Variants in B3GALT1 observed in about 807,000 individuals in gnomAD.
The protein encoded by B3GALT1 is UDP-Gal:betaGlcNAc beta 1,3-galactosyltransferase, polypeptide 1.
B3GALT1 carries 10 observed loss-of-function variants against 23.2 expected under a neutral mutation model. The observed-to-expected ratio is 0.43, with a 90% CI of 0.27 to 0.73. The LOEUF (loss-of-function observed/expected upper bound fraction) is 0.73. Among genes scored for constraint, B3GALT1 ranks in the 30% least tolerant of loss-of-function variants. The pLI, the probability that B3GALT1 is intolerant of heterozygous loss-of-function variation, is 0.21. For missense variants in B3GALT1, 299 were observed against 405.4 expected, an observed-to-expected ratio of 0.74 and a Z score of 2.25; for synonymous variants, 156 against 141.5, an observed-to-expected ratio of 1.10 and a Z score of -0.73.
At chr2:167,724,399 A>T (rs2105259010) in intron 3 of B3GALT1, among the ~76,000 whole-genome samples, 1 of 152,306 alleles carries the variant, frequency 6.6e-6, no homozygotes, top group African/African-American at 2.4e-5. Context: ...AAACTCGGAA[A>T]CCAAACGTAT....
At chr2:167,311,734 A>G (rs1023555709) in intron 1 of B3GALT1, among the ~76,000 whole-genome samples, 2 of 152,070 alleles carry the variant, frequency 1.3e-5, no homozygotes, top group Non-Finnish European at 2.9e-5. Context: ...AATGAGTTTA[A>G]TGGTAGATTA....
At chr2:167,412,160 C>T (rs1698402828) in intron 1 of B3GALT1, among the ~76,000 whole-genome samples, 1 of 152,102 alleles carries the variant, frequency 6.6e-6, no homozygotes, top group Non-Finnish European at 1.5e-5. Context: ...TTAACCATAA[C>T]AACTAAATAC....
intron 1 of B3GALT1, among the ~76,000 whole-genome samples, chr2:167,382,045 G>T (rs1697853897): frequency 6.6e-6 from 1 of 152,176 alleles, no homozygotes; most frequent in Admixed American, 6.5e-5. Context: ...TTGTACAATA[G>T]AAATAAGTTA....
intron 4 of B3GALT1, among the ~76,000 whole-genome samples, chr2:167,837,672 C>T (rs1181682162): frequency 9.4e-5 from 14 of 148,796 alleles, no homozygotes; most frequent in South Asian, 8.8e-4. Flanking sequence ...CTGCACCAAG[C>T]GGACCTAATA....
intron 1 of B3GALT1, among the ~76,000 whole-genome samples, chr2:167,356,506 G>T (rs1010426219): frequency 6.6e-6 from 1 of 152,030 alleles, no homozygotes; most frequent in Non-Finnish European, 1.5e-5. Context: ...TTGAATTTCT[G>T]TGTCTGCAAC....
At chr2:167,839,611 A>C (rs1189944535) in intron 4 of B3GALT1, among the ~76,000 whole-genome samples, 1 of 152,274 alleles carries the variant, frequency 6.6e-6, no homozygotes, top group Non-Finnish European at 1.5e-5. Flanking sequence ...GCCCAAGGTA[A>C]TTTTTAGATT....
chr2:167,317,595 G>A (rs983586616), intron 1 of B3GALT1, among the ~76,000 whole-genome samples: 1 of 152,102 alleles, frequency 6.6e-6, no homozygotes, highest in East Asian at 1.9e-4. Flanking sequence ...ACAGTTTTGT[G>A]TGGGTATATA....
intron 2 of B3GALT1, among the ~76,000 whole-genome samples, chr2:167,567,231 C>G (rs560971840): frequency 6.6e-6 from 1 of 151,858 alleles, no homozygotes; most frequent in Admixed American, 6.6e-5. Context: ...TCTTAAAACT[C>G]AAAAAAATAA....
chr2:167,599,198 G>T (rs940340414), intron 2 of B3GALT1, among the ~76,000 whole-genome samples: 1 of 152,086 alleles, frequency 6.6e-6, no homozygotes, highest in South Asian at 2.1e-4. Context: ...TACAAAATAC[G>T]CAGTTCTCTC....
intron 1 of B3GALT1, among the ~76,000 whole-genome samples, chr2:167,362,147 A>T (rs1331098068): frequency 6.6e-5 from 10 of 151,744 alleles, no homozygotes; most frequent in South Asian, 2.1e-4. Flanking sequence ...TTTTTTTTTT[A>T]AATATGTATT....
At chr2:167,494,070 T>C (rs1187730183) in intron 2 of B3GALT1, among the ~76,000 whole-genome samples, 3 of 152,222 alleles carry the variant, frequency 2.0e-5, no homozygotes, top group African/African-American at 7.2e-5. Context: ...CCAACAAGAT[T>C]GAGTAACTTT....
intron 4 of B3GALT1, among the ~76,000 whole-genome samples, chr2:167,829,637 C>T (rs1558993945): frequency 6.6e-6 from 1 of 152,118 alleles, no homozygotes; most frequent in Non-Finnish European, 1.5e-5. Context: ...GTCTCTTTTT[C>T]CCACTCTTGA....
At chr2:167,617,589 C>T (rs1685183462) in intron 2 of B3GALT1, among the ~76,000 whole-genome samples, 1 of 151,970 alleles carries the variant, frequency 6.6e-6, no homozygotes, top group Non-Finnish European at 1.5e-5. Flanking sequence ...TAAAACAAAA[C>T]AAAAAACCTT....
At position 167,474,148 on chromosome 2, in the gene B3GALT1, C is replaced by T. The variant is rs138252523; in HGVS notation, c.-510-16029C>T. 1.7e-3 allele frequency among the ~76,000 whole-genome samples: 256 copies of T among 152,240 alleles called. 1 individual carries two copies. The highest frequency in any genetic ancestry group is 2.2e-3 in the Non-Finnish European group (148 of 68,002). Reference sequence around the variant, plus strand: ...TAGATGCAGCTGTGTCTATAGGATACGCCATCTTAATATGGATAATTTCTA... The same window carrying T: ...TAGATGCAGCTGTGTCTATAGGATATGCCATCTTAATATGGATAATTTCTA... On this transcript the variant is annotated intron_variant, in intron 1 of 4. Transcript: ENST00000392690.
intron 2 of B3GALT1, among the ~76,000 whole-genome samples, chr2:167,500,820 G>A (rs1574105960): frequency 2.0e-5 from 3 of 152,134 alleles, no homozygotes. Flanking sequence ...AAAAATCTTT[G>A]GAAGAATGAT....
intron 1 of B3GALT1, among the ~76,000 whole-genome samples, chr2:167,436,973 G>A (rs533403269): frequency 6.6e-6 from 1 of 152,290 alleles, no homozygotes; most frequent in African/African-American, 2.4e-5. Flanking sequence ...AAAACTGAGA[G>A]GCGGGGAGCA....
At chr2:167,576,601 C>G (rs975983985) in intron 2 of B3GALT1, among the ~76,000 whole-genome samples, 1 of 146,060 alleles carries the variant, frequency 6.8e-6, no homozygotes, top group African/African-American at 2.5e-5. Context: ...AAAGCCTTAG[C>G]AAAGGGTTTC....
At chr2:167,441,757 G>A (rs909336651) in intron 1 of B3GALT1, among the ~76,000 whole-genome samples, 1 of 151,976 alleles carries the variant, frequency 6.6e-6, no homozygotes, top group Non-Finnish European at 1.5e-5. Flanking sequence ...GCTGGGCAGG[G>A]GGGCATGCAC....
At chr2:167,491,979 G>A (rs1699716282) in intron 2 of B3GALT1, among the ~76,000 whole-genome samples, 1 of 152,116 alleles carries the variant, frequency 6.6e-6, no homozygotes, top group Admixed American at 6.5e-5. Flanking sequence ...TATTGCTAGA[G>A]CCTTATAAAC....
Sources: allele counts gnomAD v4.1 joint callset (sites outside exome capture counted in the v4.1 genomes callset), GRCh38; gene constraint gnomAD v4.1.1; transcripts MANE v1.5; gene names NCBI Gene and HGNC (gene_info 2026-07-23, HGNC 2026-07-21).